The following NF1 variants were observed in gnomAD, a reference collection of about 807,000 sequenced individuals.
NF1 encodes neurofibromin 1, also known as neurofibromin.
In NF1, 122 loss-of-function variants were observed where a neutral mutation model predicts 325.7. The observed-to-expected ratio is 0.37, with a 90% CI of 0.32 to 0.44. NF1 has a LOEUF of 0.44. Ranked by LOEUF, NF1 falls within the 20% of genes least tolerant of loss-of-function variation. The pLI is 1.00. For synonymous variants in NF1, 1,091 were observed against 1,186.0 expected, an observed-to-expected ratio of 0.92 and a Z score of 1.65; for missense variants, 2,140 against 3,415.4, an observed-to-expected ratio of 0.63 and a Z score of 9.31.
chr17:31,270,997 T>G (rs1022556511), intron 36 of NF1, among the ~76,000 whole-genome samples: 1 of 152,214 alleles, frequency 6.6e-6, no homozygotes, highest in Non-Finnish European at 1.5e-5. Context: ...TACTAAAGTT[T>G]GGGAATCTCA....
chr17:31,272,745 T>C (rs998764411), intron 36 of NF1: 1 of 152,214 alleles, frequency 6.6e-6, no homozygotes. Context: ...CAATCGGTGA[T>C]AGCTTGAACA....
chr17:31,208,023 A>C (rs2066654873), intron 12 of NF1, among the ~76,000 whole-genome samples: 1 of 152,052 alleles, frequency 6.6e-6, no homozygotes. Flanking sequence ...ACAGAGGTAA[A>C]ATTTGATTGG....
At chr17:31,304,810 G>A in intron 36 of NF1, 1 of 1,613,924 alleles carries the variant, frequency 6.2e-7, no homozygotes, top group Non-Finnish European at 8.5e-7. Context: ...AATGATTGAT[G>A]TACGTTTTGT....
intron 8 of NF1, 173 bp downstream of exon 8, chr17:31,182,838 T>C (rs2066162806): frequency 3.1e-6 from 2 of 648,532 alleles, no homozygotes; most frequent in East Asian, 5.5e-5. Flanking sequence ...TCATACATAA[T>C]TTTATTTGGC....
rs561691655 is a variant in NF1, at chr17:31,129,234, G to A, written c.61-26749G>A. ...TGATATCCTGAAATATGTTTTCCAA[G>A]TTGCTGCCTTTCTCCCCATATCTTT... On this transcript the variant is annotated intron_variant, in intron 1 of 57. Coordinates refer to ENST00000358273, the MANE Select transcript of NF1 (RefSeq NM_001042492.3). Among the ~76,000 whole-genome samples the A allele has an allele frequency of 1.2e-4, 19 of 152,174 alleles. No individual in the cohort carries two copies. The East Asian group carries it at 3.1e-3, about 25-fold the overall frequency.
intron 3 of NF1, among the ~76,000 whole-genome samples, chr17:31,160,139 G>T (rs1482372821): frequency 6.6e-6 from 1 of 152,186 alleles, no homozygotes; most frequent in Admixed American, 6.5e-5. Flanking sequence ...AGGCTGAAGT[G>T]CAGTGGCACC....
intron 29 of NF1, among the ~76,000 whole-genome samples, chr17:31,238,272 G>A (rs1279884149): frequency 6.6e-6 from 1 of 152,080 alleles, no homozygotes; most frequent in Non-Finnish European, 1.5e-5. Context: ...TTTATGCTTT[G>A]GGCAGGGGAA....
In NF1 at chr17:31,229,471, G is replaced by C. The variant is rs756650807; in HGVS notation, c.2850+6G>C. The stretch of plus-strand genomic sequence containing the variant: ...TTTTTGACTCCCAAGGACAGGTAAA[G>C]TGTTCTCTTATTTTTCACCTTTCTC... On this transcript the variant is annotated splice_donor_region_variant and intron_variant, in intron 21 of 57. Transcript: ENST00000358273. The C allele has an allele frequency of 6.2e-7, 1 of 1,612,806 alleles. No homozygotes were observed.
At chr17:31,310,672 T>C (rs2068849199) in intron 36 of NF1, among the ~76,000 whole-genome samples, 1 of 152,000 alleles carries the variant, frequency 6.6e-6, no homozygotes. Context: ...GAAGCATACC[T>C]AGCAATTATT....
At chr17:31,338,177 G>C (rs781079412) in intron 45 of NF1, 38 bp downstream of exon 45, 1 of 1,394,252 alleles carries the variant, frequency 7.2e-7, no homozygotes, top group Admixed American at 1.7e-5. Flanking sequence ...AATATTTATG[G>C]TTCTCAAGTT....
chr17:31,141,487 A>C (rs1273085155), intron 1 of NF1, among the ~76,000 whole-genome samples: 1 of 152,126 alleles, frequency 6.6e-6, no homozygotes, highest in East Asian at 1.9e-4. Context: ...GTTAGAATTT[A>C]AATGTTATCC....
chr17:31,137,583 A>C (rs1032148870), intron 1 of NF1: 1 of 152,150 alleles, frequency 6.6e-6, no homozygotes, highest in Non-Finnish European at 1.5e-5. Context: ...GCTGCTTGCT[A>C]TACCAGGTGT....
intron 36 of NF1, among the ~76,000 whole-genome samples, chr17:31,286,293 C>T (rs1044944798): frequency 5.3e-5 from 8 of 152,272 alleles, no homozygotes; most frequent in African/African-American, 1.9e-4. Flanking sequence ...CAGGGTTTTG[C>T]TCTGTTGGCC....
chr17:31,101,408 G>A (rs2952986), intron 1 of NF1, among the ~76,000 whole-genome samples: 1 of 152,066 alleles, frequency 6.6e-6, no homozygotes, highest in Non-Finnish European at 1.5e-5. Context: ...TGTTGAAAAA[G>A]AAATGGCTAG....
intron 36 of NF1, among the ~76,000 whole-genome samples, chr17:31,309,471 C>T (rs537040578): frequency 6.6e-6 from 1 of 152,274 alleles, no homozygotes; most frequent in African/African-American, 2.4e-5. Flanking sequence ...GGTCATCATC[C>T]ATGCAGTTCC....
chr17:31,150,859 C>G (rs557350549), intron 1 of NF1, among the ~76,000 whole-genome samples: 2 of 152,086 alleles, frequency 1.3e-5, no homozygotes, highest in East Asian at 3.9e-4. Flanking sequence ...TGGTGAAACC[C>G]CGTCTCTACT....
intron 39 of NF1, 53 bp from the exon 40 acceptor site, chr17:31,334,785 T>G: frequency 7.2e-7 from 1 of 1,381,906 alleles, no homozygotes; most frequent in African/African-American, 1.4e-5. Flanking sequence ...GTTAAATAAT[T>G]GTTGATGTGA....
intron 1 of NF1, among the ~76,000 whole-genome samples, chr17:31,109,677 C>G (rs1228344311): frequency 6.6e-6 from 1 of 152,130 alleles, no homozygotes; most frequent in Non-Finnish European, 1.5e-5. Context: ...AGCCACCATG[C>G]CTTGGCCTCA....
intron 57 of NF1, among the ~76,000 whole-genome samples, chr17:31,366,843 G>T (rs1339888140): frequency 1.3e-5 from 2 of 152,152 alleles, no homozygotes; most frequent in African/African-American, 4.8e-5. Context: ...GGTATTACCT[G>T]ACCTTTTTTT....
Sources: gnomAD v4.1 joint callset for allele counts (sites outside exome capture counted in the v4.1 genomes callset) on GRCh38, gnomAD v4.1.1 for gene constraint, MANE v1.5 for transcripts, NCBI Gene and HGNC (gene_info 2026-07-23, HGNC 2026-07-21) for gene names.